The following MEGF6 variants were observed in gnomAD, a reference collection of about 807,000 sequenced individuals.
MEGF6 encodes the protein multiple epidermal growth factor-like domains protein 6.
MEGF6 carries 184 observed loss-of-function variants against 207.1 expected under a neutral mutation model. That is an observed-to-expected ratio of 0.89 (90% CI 0.79 to 1.00). MEGF6 has a LOEUF of 1.00. Among genes scored for constraint, MEGF6 ranks in the 50% least tolerant of loss-of-function variants. The pLI, the probability that MEGF6 is intolerant of heterozygous loss-of-function variation, is 0.00. For missense variants in MEGF6, 2,282 were observed against 2,202.9 expected, an observed-to-expected ratio of 1.04 and a Z score of -0.72; for synonymous variants, 1,038 against 910.0, an observed-to-expected ratio of 1.14 and a Z score of -2.53.
In MEGF6 at chr1:3,608,177, T is replaced by C. The variant is rs12062695; in HGVS notation, c.131+2961A>G. On this transcript the variant is annotated intron_variant, in intron 1 of 36. Coordinates refer to ENST00000356575, the MANE Select transcript of MEGF6 (RefSeq NM_001409.4). The stretch of plus-strand genomic sequence containing the variant: ...TTCCCAGGGCCCCATGCAGCCAGCA[T>C]GCGGGGAATCTCAAGGCCCTGGGGT... Among the ~76,000 whole-genome samples the C allele has an allele frequency of 2.8e-3, 428 of 152,222 alleles. 1 individual carries two copies. The highest frequency in any genetic ancestry group is 9.9e-3 in the African/African-American group (412 of 41,540).
chr1:3,590,979 G>A (rs948157456), intron 3 of MEGF6, among the ~76,000 whole-genome samples: 7 of 148,340 alleles, frequency 4.7e-5, no homozygotes, highest in South Asian at 2.4e-4. Flanking sequence ...CTGGCTGGGC[G>A]CGGCCCCAGT....
rs536156373 is a variant in MEGF6, at chr1:3,555,537, G to A, written c.481+24288C>T. 2.4e-3 allele frequency among the ~76,000 whole-genome samples: 370 copies of A among 152,368 alleles called. 2 individuals are homozygous for A. The highest frequency in any genetic ancestry group is 8.4e-3 in the African/African-American group (349 of 41,590). On this transcript the variant is annotated intron_variant, in intron 4 of 36. Coordinates refer to ENST00000356575, the MANE Select transcript of MEGF6 (RefSeq NM_001409.4). ...CGGCTCAGAAATGAAAGCAGGAGAC[G>A]GCAGAGCTCCTGGGGTCTGGCCTGC...
the MEGF6 span, among the ~76,000 whole-genome samples, chr1:3,618,036 G>A: frequency 6.6e-6 from 1 of 152,106 alleles, no homozygotes; most frequent in Non-Finnish European, 1.5e-5. The surrounding 1 kb of genome is among the most constrained non-coding windows in gnomAD (Gnocchi z 4.7). Flanking sequence ...CCTGCCCTGG[G>A]GCAGCGACAC....
In MEGF6 at chr1:3,494,503, G is replaced by C. The variant is rs376216019; in HGVS notation, c.4001-4C>G. ...CCGTAGCGCCCAGGGGGACAGGCTG[G>C]GGACAGGGCAGGGTGGGCAGTCCTT... On this transcript the variant is annotated splice_polypyrimidine_tract_variant and splice_region_variant and intron_variant, in intron 31 of 36. Transcript: ENST00000356575. The C allele has an allele frequency of 1.0e-4, 159 of 1,588,774 alleles. No homozygotes were observed. The South Asian group carries it at 1.7e-3, about 17-fold the overall frequency.
chr1:3,617,156 G>A, the MEGF6 span, among the ~76,000 whole-genome samples: 1 of 4,492 alleles, frequency 2.2e-4, no homozygotes, highest in African/African-American at 8.7e-4. Flanking sequence ...TCCCACCCCC[G>A]GCTCCTGCCA....
At chr1:3,544,197 C>A (rs1642627022) in intron 4 of MEGF6, among the ~76,000 whole-genome samples, 1 of 150,858 alleles carries the variant, frequency 6.6e-6, no homozygotes, top group Admixed American at 6.6e-5. Flanking sequence ...TAACCCTCTC[C>A]CCCCAGCGTC....
chr1:3,620,999 C>T, the MEGF6 span, among the ~76,000 whole-genome samples: 2 of 152,222 alleles, frequency 1.3e-5, no homozygotes, highest in African/African-American at 4.8e-5. Flanking sequence ...TCAGAGACTT[C>T]TGGTACTTCC....
intron 4 of MEGF6, among the ~76,000 whole-genome samples, chr1:3,575,989 TC>T (rs1643630838): frequency 6.6e-6 from 1 of 151,764 alleles, no homozygotes; most frequent in Non-Finnish European, 1.5e-5. Flanking sequence ...CATCGCCAAA[TC>T]TCCTCCCTGC....
chr1:3,538,174 G>A (rs2101473927), intron 4 of MEGF6, among the ~76,000 whole-genome samples: 1 of 152,324 alleles, frequency 6.6e-6, no homozygotes, highest in Admixed American at 6.5e-5. Context: ...GACCTCCAGA[G>A]CCCAGCCCAG....
At chr1:3,610,279 C>G (rs1004215297) in intron 1 of MEGF6, among the ~76,000 whole-genome samples, 1 of 152,254 alleles carries the variant, frequency 6.6e-6, no homozygotes, top group Non-Finnish European at 1.5e-5. Context: ...CTTGGTCCTG[C>G]ACCGCCAGGT....
intron 4 of MEGF6, among the ~76,000 whole-genome samples, chr1:3,570,058 C>G (rs1477431703): frequency 2.0e-5 from 3 of 152,202 alleles, no homozygotes; most frequent in Non-Finnish European, 4.4e-5. Flanking sequence ...CAGAGTCAGC[C>G]CTTTGAAAGA....
intron 2 of MEGF6, among the ~76,000 whole-genome samples, chr1:3,598,003 G>A (rs1249564474): frequency 2.6e-5 from 4 of 152,270 alleles, no homozygotes; most frequent in African/African-American, 9.6e-5. Context: ...GAGGGACAGA[G>A]GCAAGACAGA....
chr1:3,531,790 G>A (rs1642184048), intron 4 of MEGF6, among the ~76,000 whole-genome samples: 1 of 151,544 alleles, frequency 6.6e-6, no homozygotes, highest in South Asian at 2.1e-4. Flanking sequence ...AGCAGCAAAG[G>A]GAGCCGTCCT....
In MEGF6 at chr1:3,514,648, T is replaced by G; in HGVS notation, c.755A>C (p.Asn252Thr). The change falls in exon 7 of 37, where the codon AAC becomes ACC. Residue 252 changes from asparagine to threonine, a missense_variant. Physicochemically the swap from Asn to Thr is moderately conservative, Grantham distance 65. Coordinates refer to ENST00000356575, the MANE Select transcript of MEGF6 (RefSeq NM_001409.4). ...CVRRSPCANR[N>T]GSCMHRCQVV... ...CTGGCACCTGTGCATGCAGCTGCCG[T>G]TCCTGTTGGCACACGGGCTTCTACC... 6.3e-7 allele frequency: 1 copy of G among 1,583,332 alleles called. No homozygotes were observed. The highest frequency in any genetic ancestry group is 8.6e-7 in the Non-Finnish European group (1 of 1,167,006).
Position 3,489,364 on chromosome 1 carries a change from GGAGA to G in MEGF6, c.*1160_*1163del, listed in dbSNP as rs1181038173. Among the ~76,000 whole-genome samples the G allele has an allele frequency of 1.3e-5, 2 of 152,210 alleles. No homozygotes were observed. The highest frequency in any genetic ancestry group is 2.9e-5 in the Non-Finnish European group (2 of 68,032). On this transcript the variant is annotated 3_prime_UTR_variant, in exon 37 of 37. Coordinates refer to ENST00000356575, the MANE Select transcript of MEGF6 (RefSeq NM_001409.4). Reference sequence around the variant, plus strand: ...CAGACCCTAAGGGGGCCTTCTTAAGGGAGAGAGAGTCCTATGTTGCGGTGTGAGT... The same window carrying G: ...CAGACCCTAAGGGGGCCTTCTTAAGGGAGAGTCCTATGTTGCGGTGTGAGT...
intron 35 of MEGF6, among the ~76,000 whole-genome samples, chr1:3,491,759 G>C (rs1481891404): frequency 2.2e-5 from 3 of 136,054 alleles, no homozygotes; most frequent in African/African-American, 8.7e-5. Context: ...CCGCTGGGGG[G>C]TACACGGTGC....
At chr1:3,600,751 G>C (rs944081118) in intron 2 of MEGF6, among the ~76,000 whole-genome samples, 19 of 152,280 alleles carry the variant, frequency 1.2e-4, no homozygotes, top group African/African-American at 4.6e-4. Context: ...AAAGGGACAG[G>C]GGCCCAGGCC....
chr1:3,498,923 G>C, intron 24 of MEGF6, 97 bp from the exon 25 acceptor site: 1 of 1,489,460 alleles, frequency 6.7e-7, no homozygotes, highest in Non-Finnish European at 9.0e-7. Flanking sequence ...TTTGGGGTCA[G>C]GCACCTTGCA....
chr1:3,506,669 T>C (rs1269524045), intron 14 of MEGF6, among the ~76,000 whole-genome samples: 1 of 152,146 alleles, frequency 6.6e-6, no homozygotes, highest in Non-Finnish European at 1.5e-5. Context: ...GGTCCTCGCC[T>C]TTCTTCCCCA....
Sources: allele counts gnomAD v4.1 joint callset (sites outside exome capture counted in the v4.1 genomes callset), GRCh38; gene constraint gnomAD v4.1.1; non-coding constraint Gnocchi (gnomAD v3.1); transcripts MANE v1.5; gene names NCBI Gene and HGNC (gene_info 2026-07-23, HGNC 2026-07-21).